The following TET3 variants were observed in gnomAD, a reference collection of about 807,000 sequenced individuals.
TET3 encodes methylcytosine dioxygenase TET3.
In TET3, 19 loss-of-function variants were observed where a neutral mutation model predicts 141.4. That is an observed-to-expected ratio of 0.13 (90% CI 0.09 to 0.20). The LOEUF (loss-of-function observed/expected upper bound fraction) is 0.20. TET3 is among the 10% of genes least tolerant of loss of function. TET3 has a pLI of 1.00. For missense variants in TET3, 1,874 were observed against 2,356.9 expected, an observed-to-expected ratio of 0.80 and a Z score of 4.24; for synonymous variants, 1,043 against 980.9, an observed-to-expected ratio of 1.06 and a Z score of -1.18.
intron 3 of TET3, among the ~76,000 whole-genome samples, chr2:74,016,536 A>C (rs1685736589): frequency 6.6e-6 from 1 of 152,116 alleles, no homozygotes; most frequent in Non-Finnish European, 1.5e-5. Flanking sequence ...AGCCTGGCCA[A>C]CATGGTGAAA....
At chr2:74,114,994 A>C in the TET3 span, among the ~76,000 whole-genome samples, 1 of 152,072 alleles carries the variant, frequency 6.6e-6, no homozygotes, top group African/African-American at 2.4e-5. Context: ...CCAAACAATA[A>C]AACTACTAGA....
At chr2:74,089,728 C>T (rs570840632) in intron 7 of TET3, among the ~76,000 whole-genome samples, 169 bp from the exon 8 acceptor site, 1 of 152,344 alleles carries the variant, frequency 6.6e-6, no homozygotes, top group South Asian at 2.1e-4. Flanking sequence ...ATCTGGCTTC[C>T]TACTCAAGGA....
chr2:74,071,002 G>A (rs1454858310), intron 4 of TET3, among the ~76,000 whole-genome samples: 2 of 152,134 alleles, frequency 1.3e-5, no homozygotes, highest in South Asian at 2.1e-4. Flanking sequence ...AGTCTGGGTG[G>A]TTTAAATAAT....
chr2:74,081,105 C>T (rs1312510394), intron 6 of TET3, among the ~76,000 whole-genome samples: 1 of 152,198 alleles, frequency 6.6e-6, no homozygotes, highest in Non-Finnish European at 1.5e-5. Context: ...GGGCTCTGGG[C>T]AGCACTGTGG....
chr2:74,084,082 C>G (rs552763996), intron 6 of TET3, among the ~76,000 whole-genome samples: 99 of 152,284 alleles, frequency 6.5e-4, no homozygotes, highest in African/African-American at 1.9e-3. Context: ...AGCCAAAATA[C>G]ACATATCAAA....
At chr2:74,113,667 AAAAG>A in the TET3 span, among the ~76,000 whole-genome samples, 82 of 152,324 alleles carry the variant, frequency 5.4e-4, no homozygotes, top group African/African-American at 1.9e-3. Flanking sequence ...ACTTAGCTGA[AAAAG>A]AAATCAAGAA....
In TET3 at chr2:73,986,461, T is replaced by C; in HGVS notation, c.58T>C (p.Phe20Leu). ...VQPDLPGLYD[F>L]PQRQVMVGSF... ...GCCGGACCTGCCAGGCCTTTATGAC[T>C]TCCCTCAGCGCCAGGTGATGGTAGG... is the stretch of plus-strand genomic sequence containing the variant. The change falls in exon 2 of 12, where the codon TTC becomes CTC. Residue 20 changes from phenylalanine to leucine, a missense_variant. This residue lies in a region of TET3 where 366 missense variants were observed against 487.0 expected (regional missense o/e 0.75). Transcript: ENST00000409262. 1 of 1,232,212 alleles carries C rather than the reference T, an allele frequency of 8.1e-7. No individual in the cohort carries two copies. Among genetic ancestry groups the C allele is most frequent in the South Asian group, 4.1e-5 (1 of 24,320 alleles). The allele number at this position is 1,232,212 out of a possible 1,614,324, so 76.3% of individuals were successfully genotyped here. A position where few individuals can be genotyped will look rare whatever the true frequency, so the allele number is the denominator to read the frequency against.
rs544069733 is a variant in TET3 at position 73,991,286 on chromosome 2, T to A, written c.303+4580T>A. Among the ~76,000 whole-genome samples the A allele has an allele frequency of 3.0e-4, 45 of 151,880 alleles. 1 individual carries two copies. The South Asian group carries it at 9.0e-3, about 30-fold the overall frequency. ...TTAGCTGGAGGGATAGAATTGCTTG[T>A]TAAAAAGCAAACTCTGGCCGGGCAC... On this transcript the variant is annotated intron_variant, in intron 2 of 11. Transcript: ENST00000409262.
chr2:74,031,343 C>T (rs1686676579), intron 3 of TET3, among the ~76,000 whole-genome samples: 2 of 152,152 alleles, frequency 1.3e-5, no homozygotes, highest in South Asian at 2.1e-4. Context: ...GACGAGGGAC[C>T]CCCGTGGCCT....
chr2:74,126,758 C>T, the TET3 span, among the ~76,000 whole-genome samples: 1 of 152,134 alleles, frequency 6.6e-6, no homozygotes, highest in Admixed American at 6.5e-5. Flanking sequence ...CTGCCTCGGC[C>T]TCCCAAAGTG....
At chr2:74,128,672 C>G in the TET3 span, among the ~76,000 whole-genome samples, 1 of 150,004 alleles carries the variant, frequency 6.7e-6, no homozygotes, top group East Asian at 1.9e-4. Context: ...ACAATAAAGA[C>G]TATAAAAAAA....
At chr2:74,030,556 T>C (rs1359541258) in intron 3 of TET3, among the ~76,000 whole-genome samples, 1 of 152,242 alleles carries the variant, frequency 6.6e-6, no homozygotes, top group Non-Finnish European at 1.5e-5. Flanking sequence ...TCTTTATTGC[T>C]CTTGATAACA....
intron 4 of TET3, among the ~76,000 whole-genome samples, chr2:74,071,268 T>C (rs912302118): frequency 7.2e-5 from 11 of 152,190 alleles, no homozygotes; most frequent in South Asian, 4.2e-4. Context: ...TGCTATCCCA[T>C]TGGGGATTAG....
chr2:74,104,462 A>T lies in TET3; in HGVS notation c.*2286A>T, dbSNP rs910227948. On this transcript the variant is annotated 3_prime_UTR_variant, in exon 12 of 12. Coordinates refer to ENST00000409262, the MANE Select transcript of TET3 (RefSeq NM_001287491.2). ...CTTTAAATGCTATTTTGCTTATCGC[A>T]TCAGTACTTTTATGCAGGTCTCATT... 6.6e-6 allele frequency: 1 copy of T among 152,204 alleles called. No homozygotes were observed. The highest frequency in any genetic ancestry group is 2.4e-5 in the African/African-American group (1 of 41,444). 9.4% of individuals were successfully genotyped at this position (152,204 alleles called of 1,614,324 possible). A position where few individuals can be genotyped will look rare whatever the true frequency, so the allele number is the denominator to read the frequency against.
At position 74,102,049 on chromosome 2, in the gene TET3, C is replaced by T; in HGVS notation, c.5261C>T (p.Pro1754Leu). The T allele has an allele frequency of 1.3e-6, 2 of 1,536,512 alleles. No homozygotes were observed. The highest frequency in any genetic ancestry group is 2.3e-5 in the East Asian group (1 of 43,978). The change falls in exon 12 of 12, where the codon CCC (proline) becomes CTC (leucine). Residue 1754 changes from proline to leucine, a missense_variant. Pro to Leu is a moderately conservative substitution (Grantham distance 98). Transcript: ENST00000409262. ...RKWGGTVVAE[P>L]QQKEKKGVVP... is the part of the protein sequence containing the mutation. ...TGGGGGGGCACTGTGGTTGCTGAGC[C>T]CCAGCAGAAAGAGAAGAAGGGGGTC... is the stretch of plus-strand genomic sequence containing the variant.
chr2:73,999,390 A>G (rs1214005556), intron 2 of TET3, among the ~76,000 whole-genome samples: 1 of 152,208 alleles, frequency 6.6e-6, no homozygotes, highest in Non-Finnish European at 1.5e-5. Context: ...GTTAAAAAAG[A>G]TACAGTATAT....
At chr2:74,130,396 T>G in the TET3 span, among the ~76,000 whole-genome samples, 1 of 152,174 alleles carries the variant, frequency 6.6e-6, no homozygotes, top group Non-Finnish European at 1.5e-5. Context: ...ACCAGCAATA[T>G]TAGCGCCAGT....
chr2:74,072,210 G>C (rs1422883101), intron 4 of TET3, among the ~76,000 whole-genome samples: 2 of 152,232 alleles, frequency 1.3e-5, no homozygotes, highest in East Asian at 3.9e-4. Context: ...TTTGTATCTG[G>C]CTTCTTAACA....
chr2:74,098,156 C>CT (rs1334358024), intron 10 of TET3, among the ~76,000 whole-genome samples: 1 of 152,126 alleles, frequency 6.6e-6, no homozygotes, highest in Non-Finnish European at 1.5e-5. Flanking sequence ...TGAGGGTAGT[C>CT]TGGCAGTATG....
Sources: gnomAD v4.1 joint callset for allele counts (sites outside exome capture counted in the v4.1 genomes callset) on GRCh38, gnomAD v4.1.1 for gene constraint, gnomAD v4.1.1 regional missense constraint, MANE v1.5 for transcripts, NCBI Gene and HGNC (gene_info 2026-07-23, HGNC 2026-07-21) for gene names.